Variants in UNC13C observed in about 807,000 individuals in gnomAD.
UNC13C encodes unc-13 homolog C, also known as protein unc-13 homolog C.
UNC13C carries 174 observed loss-of-function variants against 245.4 expected under a neutral mutation model. The observed-to-expected ratio is 0.71, with a 90% CI of 0.63 to 0.80. UNC13C has a LOEUF of 0.80. UNC13C is among the 30% of genes least tolerant of loss of function. The pLI is 0.00. For synonymous variants in UNC13C, 992 were observed against 895.1 expected (o/e 1.11, Z -1.93); for missense variants, 2,829 against 2,602.9 (o/e 1.09, Z -1.89).
In UNC13C at chr15:54,627,818, ATGCATTTGTCATATAG is replaced by A. The variant is rs1033731165; in HGVS notation, c.*708_*723del. On this transcript the variant is annotated 3_prime_UTR_variant, in exon 33 of 33. Transcript: ENST00000260323. ...TCACATTTGTAAAAATGGTAAGTTA[ATGCATTTGTCATATAG>A]TGTTATGTCTTGGCTTTACCATATT... 2 of 152,588 alleles carry A rather than the reference ATGCATTTGTCATATAG, an allele frequency of 1.3e-5. No individual in the cohort carries two copies. Among genetic ancestry groups the A allele is most frequent in the African/African-American group, 4.8e-5 (2 of 41,460 alleles). 9.5% of individuals were successfully genotyped at this position (152,588 alleles called of 1,614,324 possible).
At chr15:54,537,698 A>T (rs1477300855) in intron 26 of UNC13C, among the ~76,000 whole-genome samples, 2 of 152,032 alleles carry the variant, frequency 1.3e-5, no homozygotes, top group Non-Finnish European at 2.9e-5. Context: ...CAACCATCTG[A>T]TCTTCAACAA....
the UNC13C span, among the ~76,000 whole-genome samples, chr15:53,841,833 C>T: frequency 3.9e-5 from 6 of 152,132 alleles, no homozygotes; most frequent in Non-Finnish European, 1.5e-5. Flanking sequence ...CAAAATTTGC[C>T]TCTTCTGTCT....
chr15:54,452,213 T>C (rs961592159), intron 19 of UNC13C, among the ~76,000 whole-genome samples: 2 of 152,162 alleles, frequency 1.3e-5, no homozygotes, highest in Admixed American at 6.5e-5. Context: ...CTGGCCTCCA[T>C]ATTGGCAGGT....
chr15:54,044,042 C>CA (rs1034186258), intron 2 of UNC13C, among the ~76,000 whole-genome samples: 17 of 152,076 alleles, frequency 1.1e-4, no homozygotes, highest in Admixed American at 1.0e-3. Flanking sequence ...TTTGTCACCC[C>CA]AAAAAGAAAC....
intron 29 of UNC13C, among the ~76,000 whole-genome samples, chr15:54,563,906 C>T (rs964133387): frequency 3.9e-5 from 6 of 151,996 alleles, no homozygotes; most frequent in African/African-American, 1.4e-4. Flanking sequence ...CATGTAATAA[C>T]TGCAGCCCCC....
At chr15:54,626,212 G>T (rs1325596106) in intron 32 of UNC13C, among the ~76,000 whole-genome samples, 2 of 152,128 alleles carry the variant, frequency 1.3e-5, no homozygotes, top group Non-Finnish European at 2.9e-5. Flanking sequence ...TTAGGTGGTT[G>T]TTAGGAGAGG....
intron 17 of UNC13C, among the ~76,000 whole-genome samples, chr15:54,371,624 A>G (rs547641335): frequency 5.9e-4 from 89 of 152,032 alleles, no homozygotes; most frequent in Non-Finnish European, 7.2e-4. Flanking sequence ...CTCCAATCTT[A>G]TTTCCATGTG....
At chr15:54,253,160 G>C (rs1303682486) in intron 8 of UNC13C, among the ~76,000 whole-genome samples, 2 of 152,194 alleles carry the variant, frequency 1.3e-5, no homozygotes, top group Admixed American at 6.5e-5. Flanking sequence ...ATGCAAAAGA[G>C]AGAGTATGTC....
chr15:53,897,203 C>A, the UNC13C span, among the ~76,000 whole-genome samples: 47 of 152,158 alleles, frequency 3.1e-4, no homozygotes, highest in Admixed American at 3.0e-3. Flanking sequence ...ATTGCTATAT[C>A]CCTAGCACCT....
At chr15:54,434,735 G>T (rs1179850534) in intron 19 of UNC13C, among the ~76,000 whole-genome samples, 2 of 152,006 alleles carry the variant, frequency 1.3e-5, no homozygotes, top group Non-Finnish European at 1.5e-5. Flanking sequence ...TTGACAAATG[G>T]GATCTAATTA....
At chr15:54,471,799 T>A (rs1168590383) in intron 19 of UNC13C, among the ~76,000 whole-genome samples, 1 of 151,704 alleles carries the variant, frequency 6.6e-6, no homozygotes, top group African/African-American at 2.4e-5. Context: ...CTTTTTAAAT[T>A]GATTTTCTAT....
At chr15:54,186,297 C>G (rs2033981593) in intron 4 of UNC13C, among the ~76,000 whole-genome samples, 1 of 152,148 alleles carries the variant, frequency 6.6e-6, no homozygotes, top group Non-Finnish European at 1.5e-5. Context: ...CCAGAACTTC[C>G]AACACTATGT....
intron 19 of UNC13C, among the ~76,000 whole-genome samples, chr15:54,449,901 G>GT (rs1438133061): frequency 1.3e-5 from 2 of 152,170 alleles, no homozygotes; most frequent in Non-Finnish European, 2.9e-5. Flanking sequence ...CATCTTTGTG[G>GT]TTTTATCTAC....
intron 2 of UNC13C, among the ~76,000 whole-genome samples, chr15:54,130,547 C>T (rs1349171901): frequency 1.3e-5 from 2 of 152,056 alleles, no homozygotes; most frequent in Admixed American, 1.3e-4. Flanking sequence ...CCGCCTCGGC[C>T]TCCCAAAGTG....
At chr15:54,599,366 C>T (rs755159484) in intron 30 of UNC13C, among the ~76,000 whole-genome samples, 1 of 152,102 alleles carries the variant, frequency 6.6e-6, no homozygotes, top group Non-Finnish European at 1.5e-5. Flanking sequence ...ATTTCTTCTG[C>T]ATTTGATGCC....
At chr15:54,300,941 C>T (rs2037563549) in intron 13 of UNC13C, among the ~76,000 whole-genome samples, 1 of 151,926 alleles carries the variant, frequency 6.6e-6, no homozygotes, top group Non-Finnish European at 1.5e-5. Flanking sequence ...TATTTAGCAC[C>T]CATAGAACGC....
At chr15:54,400,208 G>A (rs2040153585) in intron 18 of UNC13C, among the ~76,000 whole-genome samples, 2 of 151,834 alleles carry the variant, frequency 1.3e-5, no homozygotes, top group Non-Finnish European at 2.9e-5. Context: ...TAAGGCCCTG[G>A]TATTGTGTAA....
At chr15:54,008,550 T>A (rs1377049179) in intron 1 of UNC13C, among the ~76,000 whole-genome samples, 1 of 152,178 alleles carries the variant, frequency 6.6e-6, no homozygotes, top group Admixed American at 6.5e-5. Context: ...ATGAAGACAA[T>A]GTGTAGTTAT....
intron 4 of UNC13C, among the ~76,000 whole-genome samples, chr15:54,224,179 C>T (rs919832446): frequency 2.6e-5 from 4 of 151,944 alleles, no homozygotes; most frequent in East Asian, 1.9e-4. Context: ...GTTGAATAAC[C>T]GTGGTGACAG....
Sources: gnomAD v4.1 joint callset for allele counts (sites outside exome capture counted in the v4.1 genomes callset) on GRCh38, gnomAD v4.1.1 for gene constraint, MANE v1.5 for transcripts, NCBI Gene and HGNC (gene_info 2026-07-23, HGNC 2026-07-21) for gene names.